Variants in TRIP13 observed in about 807,000 individuals in gnomAD.
TRIP13 encodes pachytene checkpoint protein 2 homolog.
In TRIP13, 25 loss-of-function variants were observed where a neutral mutation model predicts 54.4. That is an observed-to-expected ratio of 0.46 (90% CI 0.33 to 0.64). TRIP13 has a LOEUF of 0.64. Among genes scored for constraint, TRIP13 ranks in the 30% least tolerant of loss-of-function variants. The probability of loss-of-function intolerance (pLI) is 0.02; values close to 1 mark genes in which losing one functional copy is unlikely to be tolerated. For synonymous variants in TRIP13, 207 were observed against 207.8 expected, an observed-to-expected ratio of 1.00 and a Z score of 0.03; for missense variants, 373 against 534.2, an observed-to-expected ratio of 0.70 and a Z score of 2.97.
intron 2 of TRIP13, among the ~76,000 whole-genome samples, chr5:895,160 G>T (rs998245102): frequency 6.6e-6 from 1 of 152,220 alleles, no homozygotes; most frequent in Non-Finnish European, 1.5e-5. Context: ...TCTCAGTATA[G>T]CAGTAACAGA....
chr5:911,834 C>A lies in TRIP13; in HGVS notation c.867-9C>A. On this transcript the variant is annotated splice_polypyrimidine_tract_variant and intron_variant, in intron 9 of 12. Transcript: ENST00000166345. The surrounding 1 kb of genome is among the most constrained non-coding windows in gnomAD (Gnocchi z 4.7). ...GATGACTGTGGTGCTTGCTTCTCGG[C>A]CACAACAGGCATTCCAATGTTGTGA... 6.2e-7 allele frequency: 1 copy of A among 1,604,424 alleles called. No individual in the cohort carries two copies. Among genetic ancestry groups the A allele is most frequent in the Non-Finnish European group, 8.5e-7 (1 of 1,176,004 alleles).
At chr5:893,126 C>T in intron 1 of TRIP13, 36 bp downstream of exon 1, 2 of 1,534,240 alleles carry the variant, frequency 1.3e-6, no homozygotes, top group Non-Finnish European at 1.8e-6. Flanking sequence ...CTCTGGGCAC[C>T]CACCCGCCCC....
Position 893,074 on chromosome 5 carries a change from C to T in TRIP13, c.76C>T (p.His26Tyr). 1 of 1,596,754 alleles carries T rather than the reference C, an allele frequency of 6.3e-7. No individual in the cohort carries two copies. ...GTCGCCAACGGTCCACGTGGAGGTG[C>T]ATCAGCGCGGCAGCAGGTGAGCCGG... ...AESPTVHVEV[H>Y]QRGSSTAKKE... Residue 26 changes from histidine to tyrosine, a missense_variant, in exon 1 of 13, where the codon CAT becomes TAT. Around this residue, in one of 4 missense-constraint regions of TRIP13, gnomAD observed 151 missense variants for 151.9 expected, o/e 0.99. Coordinates refer to ENST00000166345, the MANE Select transcript of TRIP13 (RefSeq NM_004237.4).
chr5:900,451 G>C, intron 3 of TRIP13, 43 bp from the exon 4 acceptor site: 1 of 1,610,280 alleles, frequency 6.2e-7, no homozygotes, highest in Non-Finnish European at 8.5e-7. Flanking sequence ...GGCTGTAATT[G>C]CTTGCCTTCC....
rs558491751 is a variant in TRIP13, at chr5:916,865, T to C, written c.1204-143T>C. 90 of 560,366 alleles carry C rather than the reference T, an allele frequency of 1.6e-4. 1 individual carries two copies. The highest frequency in any genetic ancestry group is 1.3e-3 in the Admixed American group (35 of 27,674). The allele number at this position is 560,366 out of a possible 1,614,324, so 34.7% of individuals were successfully genotyped here. A position where few individuals can be genotyped will look rare whatever the true frequency, so the allele number is the denominator to read the frequency against. Reference sequence around the variant, plus strand: ...GGCTGATGTGCGTCCTGGACGTGTGTGGTGCGCACTCACTGCTCACCTTAT... The same window carrying C: ...GGCTGATGTGCGTCCTGGACGTGTGCGGTGCGCACTCACTGCTCACCTTAT... On this transcript the variant is annotated intron_variant, in intron 12 of 12. Coordinates refer to ENST00000166345, the MANE Select transcript of TRIP13 (RefSeq NM_004237.4).
In TRIP13 at chr5:909,106, G is replaced by A. The variant is rs563050045; in HGVS notation, c.866+645G>A. Among the ~76,000 whole-genome samples the A allele has an allele frequency of 1.1e-4, 17 of 152,362 alleles. No homozygotes were observed. The East Asian group carries it at 1.2e-3, about 10-fold the overall frequency. ...CTGTCAGCACCAACTAGTGCTGCTCGTAGGTGAATGGCTGTCCCCTGCTCG... is the reference window on the plus strand; with the variant it reads ...CTGTCAGCACCAACTAGTGCTGCTCATAGGTGAATGGCTGTCCCCTGCTCG... On this transcript the variant is annotated intron_variant, in intron 9 of 12. Coordinates refer to ENST00000166345, the MANE Select transcript of TRIP13 (RefSeq NM_004237.4).
chr5:896,671 G>A lies in TRIP13; in HGVS notation c.265G>A (p.Asp89Asn). ...ELKVKDSQPI[D>N]LSACTVALHI... Reference sequence around the variant, plus strand: ...GGCTTTTCCCTCATTTTAGCCCATCGATTTGAGTGCATGCACTGTTGCACT... The same window carrying A: ...GGCTTTTCCCTCATTTTAGCCCATCAATTTGAGTGCATGCACTGTTGCACT... Residue 89 changes from aspartate (D) to asparagine (N), a missense_variant, in exon 3 of 13, where the codon GAT becomes AAT. Asp to Asn is a conservative substitution (Grantham distance 23). This residue lies in a region of TRIP13 where 151 missense variants were observed against 151.9 expected (regional missense o/e 0.99). Coordinates refer to ENST00000166345, the MANE Select transcript of TRIP13 (RefSeq NM_004237.4). 3 of 1,608,054 alleles carry A rather than the reference G, an allele frequency of 1.9e-6. No homozygotes were observed. Among genetic ancestry groups the A allele is most frequent in the East Asian group, 2.2e-5 (1 of 44,724 alleles).
At chr5:902,418 A>C (rs922252812) in intron 5 of TRIP13, among the ~76,000 whole-genome samples, 66 of 152,364 alleles carry the variant, frequency 4.3e-4, no homozygotes, top group African/African-American at 1.3e-3. Flanking sequence ...AGTAAGCAGC[A>C]GGTGTTTTAA....
At chr5:895,351 A>G (rs550213174) in intron 2 of TRIP13, among the ~76,000 whole-genome samples, 2 of 152,112 alleles carry the variant, frequency 1.3e-5, no homozygotes, top group East Asian at 1.9e-4. Context: ...GAATTCCTTT[A>G]TCTCATCCCA....
In TRIP13 at chr5:908,169, A is replaced by C; in HGVS notation, c.759+95A>C. On this transcript the variant is annotated intron_variant, in intron 8 of 12. Coordinates refer to ENST00000166345, the MANE Select transcript of TRIP13 (RefSeq NM_004237.4). The surrounding 1 kb of genome is among the most constrained non-coding windows in gnomAD (Gnocchi z 5.2). ...CTGATGCTCCTAGCTTTCCCCTCCTACAGCCGGGCTGCCCTCTATCCCTCC... is the reference window on the plus strand; with the variant it reads ...CTGATGCTCCTAGCTTTCCCCTCCTCCAGCCGGGCTGCCCTCTATCCCTCC... The C allele has an allele frequency of 6.7e-7, 1 of 1,484,806 alleles. No homozygotes were observed. 92.0% of individuals were successfully genotyped at this position (1,484,806 alleles called of 1,614,324 possible).
intron 1 of TRIP13, 26 bp downstream of exon 1, chr5:893,116 C>T (rs1753716852): frequency 1.9e-6 from 3 of 1,558,916 alleles, no homozygotes; most frequent in Non-Finnish European, 2.6e-6. Context: ...CCGACACATC[C>T]TCTGGGCACC....
Position 916,994 on chromosome 5 carries a change from C to T in TRIP13, c.1204-14C>T, listed in dbSNP as rs1754354632. ...TGAGTTGAGCCCCTCCAGCAATGAC[C>T]GTGTACCTTCTAGGCCCCCACCGTC... is the stretch of plus-strand genomic sequence containing the variant. On this transcript the variant is annotated splice_polypyrimidine_tract_variant and intron_variant, in intron 12 of 12. Coordinates refer to ENST00000166345, the MANE Select transcript of TRIP13 (RefSeq NM_004237.4). 3 of 1,611,984 alleles carry T rather than the reference C, an allele frequency of 1.9e-6. No individual in the cohort carries two copies. The highest frequency in any genetic ancestry group is 1.1e-5 in the South Asian group (1 of 90,768).
At chr5:893,209 C>G in intron 1 of TRIP13, 119 bp downstream of exon 1, 1 of 1,032,182 alleles carries the variant, frequency 9.7e-7, no homozygotes, top group Non-Finnish European at 1.4e-6. Flanking sequence ...GGGTACTGAT[C>G]CGGCCCGACT....
chr5:893,118 C>G (rs777543501), intron 1 of TRIP13, 28 bp downstream of exon 1: 3 of 1,556,434 alleles, frequency 1.9e-6, no homozygotes, highest in Non-Finnish European at 2.6e-6. Context: ...GACACATCCT[C>G]TGGGCACCCA....
chr5:896,547 A>G lies in TRIP13; in HGVS notation c.259-118A>G. On this transcript the variant is annotated intron_variant, in intron 2 of 12. Coordinates refer to ENST00000166345, the MANE Select transcript of TRIP13 (RefSeq NM_004237.4). ...AGCCTTCTCATCTAATCTGAGAACT[A>G]GCTTTGATTATACTGTACATTCAGT... 3.7e-6 allele frequency: 4 copies of G among 1,086,198 alleles called. No homozygotes were observed. In the South Asian group the frequency reaches 7.9e-5, roughly 21 times the overall value. 67.3% of individuals were successfully genotyped at this position (1,086,198 alleles called of 1,614,324 possible).
rs74374804 is a variant in TRIP13 at position 917,031 on chromosome 5, G to T, written c.1227G>T (p.Gly409=). The change falls in exon 13 of 13, where the codon GGG becomes GGT. Residue 409 remains glycine (G), a synonymous_variant. Transcript: ENST00000166345. ...YVQAPTVTIE[G]FLQALSLAVD... is the part of the protein sequence containing the mutation. ...AGGCCCCCACCGTCACCATAGAGGGGTTCCTCCAGGCCCTGTCTCTGGCAG... is the reference window on the plus strand; with the variant it reads ...AGGCCCCCACCGTCACCATAGAGGGTTTCCTCCAGGCCCTGTCTCTGGCAG... 6.2e-7 allele frequency: 1 copy of T among 1,614,144 alleles called. No homozygotes were observed. Among genetic ancestry groups the T allele is most frequent in the African/African-American group, 1.3e-5 (1 of 75,036 alleles).
rs1481407994 is a variant in TRIP13 at position 911,503 on chromosome 5, G to A, written c.867-340G>A. ...GGAGAATGGTGTGAACCGGCGAGGC[G>A]GAGCTTGCAGTGAGCCGAGATAGCA... On this transcript the variant is annotated intron_variant, in intron 9 of 12. Transcript: ENST00000166345. This position sits in a 1 kb window ranked among gnomAD's most constrained non-coding sequence, Gnocchi z 4.7. Among the ~76,000 whole-genome samples the A allele has an allele frequency of 3.3e-5, 5 of 152,022 alleles. No individual in the cohort carries two copies. The highest frequency in any genetic ancestry group is 6.5e-5 in the Admixed American group (1 of 15,272).
chr5:893,186 C>T, intron 1 of TRIP13, 96 bp downstream of exon 1: 15 of 1,191,726 alleles, frequency 1.3e-5, no homozygotes, highest in Non-Finnish European at 1.6e-5. Context: ...GATTCTGATG[C>T]GACCGAACCC....
Position 908,694 on chromosome 5 carries a change from C to A in TRIP13, c.866+233C>A. On this transcript the variant is annotated intron_variant, in intron 9 of 12. Coordinates refer to ENST00000166345, the MANE Select transcript of TRIP13 (RefSeq NM_004237.4). The surrounding 1 kb of genome is among the most constrained non-coding windows in gnomAD (Gnocchi z 5.2). ...TAATAGAAGGCCAGGCGCGGTGGCT[C>A]ACACCTGTAATCCCAGCACTTTGGG... The A allele has an allele frequency of 7.8e-7, 1 of 1,288,922 alleles. No individual in the cohort carries two copies. The highest frequency in any genetic ancestry group is 9.9e-7 in the Non-Finnish European group (1 of 1,005,040). 79.8% of individuals were successfully genotyped at this position (1,288,922 alleles called of 1,614,324 possible).
Sources: allele counts gnomAD v4.1 joint callset (sites outside exome capture counted in the v4.1 genomes callset), GRCh38; gene constraint gnomAD v4.1.1; regional missense constraint gnomAD v4.1.1; non-coding constraint Gnocchi (gnomAD v3.1); transcripts MANE v1.5; gene names NCBI Gene and HGNC (gene_info 2026-07-23, HGNC 2026-07-21).